Variants in ST3GAL3 observed in about 807,000 individuals in gnomAD.
The protein encoded by ST3GAL3 is ST3 beta-galactoside alpha-2,3-sialyltransferase 3, also known as CMP-N-acetylneuraminate-beta-1,4-galactoside alpha-2,3-sialyltransferase.
ST3GAL3 carries 21 observed loss-of-function variants against 50.1 expected under a neutral mutation model. The ratio of observed to expected loss-of-function variants is 0.42; its 90% CI spans 0.30 to 0.60. The LOEUF is 0.60. Among genes scored for constraint, ST3GAL3 ranks in the 20% least tolerant of loss-of-function variants. The probability of loss-of-function intolerance (pLI) is 0.19; values close to 1 mark genes in which losing one functional copy is unlikely to be tolerated. For synonymous variants in ST3GAL3, 183 were observed against 190.0 expected (o/e 0.96, Z 0.30); for missense variants, 353 against 489.4 (o/e 0.72, Z 2.63).
chr1:43,760,409 C>T (rs1337860029), intron 2 of ST3GAL3, among the ~76,000 whole-genome samples: 1 of 152,084 alleles, frequency 6.6e-6, no homozygotes, highest in Non-Finnish European at 1.5e-5. Context: ...CTCAGTGAAC[C>T]CATAATGCGC....
chr1:43,889,212 A>ACACACG (rs1280313840), intron 5 of ST3GAL3, among the ~76,000 whole-genome samples: 1 of 151,618 alleles, frequency 6.6e-6, no homozygotes, highest in Non-Finnish European at 1.5e-5. Context: ...ATACACACAC[A>ACACACG]CACACACACA....
At chr1:43,813,666 T>C (rs2060836672) in intron 3 of ST3GAL3, among the ~76,000 whole-genome samples, 1 of 152,180 alleles carries the variant, frequency 6.6e-6, no homozygotes, top group South Asian at 2.1e-4. Context: ...GCAGAACGAC[T>C]CCTGGGAGGT....
chr1:43,728,341 G>GAAAACAAAAACAAAAACA (rs113220015), intron 1 of ST3GAL3, among the ~76,000 whole-genome samples: 1,352 of 130,514 alleles, frequency 0.01, 22 homozygotes, highest in African/African-American at 0.031. Flanking sequence ...CTCCTTCTCA[G>GAAAACAAAAACAAAAACA]AAAACAAAAA....
chr1:43,886,493 A>G (rs2076007561), intron 5 of ST3GAL3, among the ~76,000 whole-genome samples: 1 of 152,268 alleles, frequency 6.6e-6, no homozygotes, highest in African/African-American at 2.4e-5. Flanking sequence ...ATAAATATGT[A>G]CAATTATTAT....
chr1:43,785,726 C>T (rs1263440041), intron 2 of ST3GAL3, among the ~76,000 whole-genome samples: 2 of 152,186 alleles, frequency 1.3e-5, no homozygotes, highest in African/African-American at 2.4e-5. Flanking sequence ...CTGCTTGTGT[C>T]TCCTACCAAT....
chr1:43,817,610 C>CCTCCTCCCTT (rs1558438164), intron 4 of ST3GAL3, among the ~76,000 whole-genome samples: 18 of 118,130 alleles, frequency 1.5e-4, no homozygotes, highest in South Asian at 1.3e-3. Context: ...TTCTCCTTCT[C>CCTCCTCCCTT]CTCCTTCTCC....
At chr1:43,917,658 TATAATATATATTA>T (rs1355699921) in intron 9 of ST3GAL3, among the ~76,000 whole-genome samples, 1 of 58,296 alleles carries the variant, frequency 1.7e-5, no homozygotes, top group Non-Finnish European at 4.0e-5. Context: ...TAATATAATA[TATAATATATATTA>T]TATATATATA....
chr1:43,809,049 C>T (rs2060233240), intron 3 of ST3GAL3, among the ~76,000 whole-genome samples: 1 of 152,096 alleles, frequency 6.6e-6, no homozygotes, highest in African/African-American at 2.4e-5. Flanking sequence ...CACAGGTATC[C>T]TGTCCCCAAC....
rs139570689 is a variant in ST3GAL3, at chr1:43,726,862, G to A, written c.-30-9371G>A. Among the ~76,000 whole-genome samples the A allele has an allele frequency of 4.6e-5, 7 of 152,286 alleles. No individual in the cohort carries two copies. In the East Asian group the frequency reaches 1.4e-3, roughly 29 times the overall value. On this transcript the variant is annotated intron_variant, in intron 1 of 11. Transcript: ENST00000347631. ...GCCTGCCTCGGCCTCCCAAAGTGCT[G>A]GGATTACAGGTGTAAGCCATTGTTT...
At position 43,918,119 on chromosome 1, in the gene ST3GAL3, C is replaced by CTCTTTTTTTTT. The variant is rs56052310; in HGVS notation, c.745-2284_745-2283insCTTTTTTTTTT. Among the ~76,000 whole-genome samples, 8 of 133,898 alleles carry CTCTTTTTTTTT rather than the reference C, an allele frequency of 6.0e-5. 2 individuals carry two copies. The highest frequency in any genetic ancestry group is 1.1e-4 in the Non-Finnish European group (7 of 65,158). The allele number at this position is 133,898 out of a possible 152,430, so 87.8% of individuals were successfully genotyped here. A position where few individuals can be genotyped will look rare whatever the true frequency, so the allele number is the denominator to read the frequency against. ...TAGACATCTAAATTTTTTTCTTTCT[C>CTCTTTTTTTTT]TTTTTTTTTTTTTTTAAGAGAGGGT... On this transcript the variant is annotated intron_variant, in intron 9 of 11. Coordinates refer to ENST00000347631, the MANE Select transcript of ST3GAL3 (RefSeq NM_006279.5).
At chr1:43,735,701 T>G (rs2154091273) in intron 1 of ST3GAL3, among the ~76,000 whole-genome samples, 1 of 152,338 alleles carries the variant, frequency 6.6e-6, no homozygotes, top group East Asian at 1.9e-4. Context: ...ATTTTGGCCT[T>G]CAGAACTCTG....
At chr1:43,749,872 A>G (rs191686957) in intron 2 of ST3GAL3, among the ~76,000 whole-genome samples, 41 of 152,254 alleles carry the variant, frequency 2.7e-4, no homozygotes, top group Admixed American at 2.2e-3. Flanking sequence ...CTTCTGCCAT[A>G]TGAGGACACA....
chr1:43,791,972 G>A (rs2058135995), intron 2 of ST3GAL3, 130 bp from the exon 3 acceptor site: 2 of 1,078,062 alleles, frequency 1.9e-6, no homozygotes, highest in African/African-American at 1.6e-5. Flanking sequence ...GGGCCTGGGA[G>A]GCTGGGCTGT....
intron 2 of ST3GAL3, among the ~76,000 whole-genome samples, chr1:43,779,766 T>C (rs1297428773): frequency 6.6e-6 from 1 of 152,238 alleles, no homozygotes; most frequent in Non-Finnish European, 1.5e-5. Flanking sequence ...ATTACTGGTT[T>C]TTCATTGTAT....
chr1:43,879,714 A>T (rs1210320644), intron 5 of ST3GAL3, among the ~76,000 whole-genome samples: 1 of 151,516 alleles, frequency 6.6e-6, no homozygotes, highest in Admixed American at 6.6e-5. Context: ...AAAAAGAATG[A>T]CTCCTAGGTT....
At chr1:43,863,590 C>T (rs2070559377) in intron 5 of ST3GAL3, among the ~76,000 whole-genome samples, 1 of 152,232 alleles carries the variant, frequency 6.6e-6, no homozygotes, top group Admixed American at 6.5e-5. Context: ...TCTGCTTCTG[C>T]AATTCGGAGA....
intron 9 of ST3GAL3, among the ~76,000 whole-genome samples, chr1:43,905,940 C>T (rs1296642797): frequency 2.0e-5 from 2 of 99,862 alleles, no homozygotes; most frequent in Non-Finnish European, 2.2e-5. Flanking sequence ...CCCCCTCCTC[C>T]TCCTGCTCCT....
chr1:43,795,691 A>C (rs2058610736), intron 3 of ST3GAL3, among the ~76,000 whole-genome samples: 1 of 152,176 alleles, frequency 6.6e-6, no homozygotes, highest in Non-Finnish European at 1.5e-5. Flanking sequence ...TAGGTACTTA[A>C]AAGTAAGAAA....
chr1:43,925,884 G>A (rs1407731449), intron 11 of ST3GAL3, among the ~76,000 whole-genome samples: 1 of 152,260 alleles, frequency 6.6e-6, no homozygotes, highest in Non-Finnish European at 1.5e-5. Context: ...GCTGAGAGGT[G>A]GCCGTCGGAT....
Sources: allele counts gnomAD v4.1 joint callset (sites outside exome capture counted in the v4.1 genomes callset), GRCh38; gene constraint gnomAD v4.1.1; transcripts MANE v1.5; gene names NCBI Gene and HGNC (gene_info 2026-07-23, HGNC 2026-07-21).